The following RD3 variants were observed in gnomAD, a reference collection of about 807,000 sequenced individuals.
RD3 encodes the protein RD3 regulator of GUCY2D, also known as protein RD3.
Under a neutral mutation model 16.9 loss-of-function variants are expected in RD3, and 11 were observed. The ratio of observed to expected loss-of-function variants is 0.65; its 90% CI spans 0.41 to 1.08. The LOEUF (loss-of-function observed/expected upper bound fraction) is 1.08. RD3 is among the 50% of genes least tolerant of loss of function. The pLI is 0.00. For missense variants in RD3, 274 were observed against 267.4 expected (o/e 1.02, Z -0.17); for synonymous variants, 116 against 114.8 (o/e 1.01, Z -0.07).
At chr1:211,491,400 C>A (rs748386511) in intron 1 of RD3, among the ~76,000 whole-genome samples, 4 of 152,222 alleles carry the variant, frequency 2.6e-5, no homozygotes, top group Non-Finnish European at 5.9e-5. Context: ...CTTCCCCCTG[C>A]CTGTGTCCAC....
intron 1 of RD3, among the ~76,000 whole-genome samples, chr1:211,486,297 G>A (rs1362593653): frequency 6.6e-6 from 1 of 152,028 alleles, no homozygotes; most frequent in African/African-American, 2.4e-5. Context: ...CTGAGGTCAC[G>A]AGTTCGAGAC....
intron 1 of RD3, among the ~76,000 whole-genome samples, chr1:211,484,769 C>A (rs1251745118): frequency 6.6e-6 from 1 of 152,180 alleles, no homozygotes; most frequent in Non-Finnish European, 1.5e-5. Flanking sequence ...CTCTTCCCAC[C>A]TCCGCTTCAT....
rs1203690020 is a variant in RD3, at chr1:211,478,985, T to C, written c.*51A>G. 6.6e-7 allele frequency: 1 copy of C among 1,507,290 alleles called. No individual in the cohort carries two copies. Among genetic ancestry groups the C allele is most frequent in the Admixed American group, 2.0e-5 (1 of 49,174 alleles). 93.4% of individuals were successfully genotyped at this position (1,507,290 alleles called of 1,614,324 possible). On this transcript the variant is annotated 3_prime_UTR_variant, in exon 3 of 3. Coordinates refer to ENST00000680073, the MANE Select transcript of RD3 (RefSeq NM_001164688.2). The stretch of plus-strand genomic sequence containing the variant: ...GGGCCCGGCGCTCCGGTCACCGGCC[T>C]ATCATTCCCCCTGCAGAAGGCTCCG...
rs1463970718 is a variant in RD3, at chr1:211,477,087, AC to A, written c.*1948del. 2 of 152,048 alleles carry A rather than the reference AC, an allele frequency of 1.3e-5. No homozygotes were observed. The highest frequency in any genetic ancestry group is 4.8e-5 in the African/African-American group (2 of 41,394). 9.4% of individuals were successfully genotyped at this position (152,048 alleles called of 1,614,324 possible). A position where few individuals can be genotyped will look rare whatever the true frequency, so the allele number is the denominator to read the frequency against. ...TCTTATTGTTATGATTAAAGTGCAA[AC>A]CAAGAAAACTTAAGTGTAGAACTCC... On this transcript the variant is annotated 3_prime_UTR_variant, in exon 3 of 3. Transcript: ENST00000680073.
At position 211,481,146 on chromosome 1, in the gene RD3, T is replaced by A; in HGVS notation, c.270A>T (p.Pro90=). The A allele has an allele frequency of 6.2e-7, 1 of 1,614,180 alleles. No homozygotes were observed. Among genetic ancestry groups the A allele is most frequent in the South Asian group, 1.1e-5 (1 of 91,076 alleles). The change falls in exon 2 of 3, where the codon CCA becomes CCT. Residue 90 remains proline (P), a synonymous_variant. Coordinates refer to ENST00000680073, the MANE Select transcript of RD3 (RefSeq NM_001164688.2). Reference sequence around the variant, plus strand: ...TGAGGATAGCAGGCCCACAATAGGATGGGTGGATCTTAACGCAGACATCTT... The same window carrying A: ...TGAGGATAGCAGGCCCACAATAGGAAGGGTGGATCTTAACGCAGACATCTT... ...QLEDVCVKIH[P]SYCGPAILRF...
In RD3 at chr1:211,479,284, C is replaced by A; in HGVS notation, c.340G>T (p.Val114Leu). 6.2e-7 allele frequency: 1 copy of A among 1,605,010 alleles called. No homozygotes were observed. Among genetic ancestry groups the A allele is most frequent in the South Asian group, 1.1e-5 (1 of 89,270 alleles). The part of the protein sequence containing the change: ...LAEQEPEVQE[V>L]SQLFRSVLQE... ...AGCACCGAGCGGAAGAGCTGGGACA[C>A]CTCCTGCACCTCGGGCTCCTGCTCC... The change falls in exon 3 of 3, where the codon GTG becomes TTG. Residue 114 changes from valine (V) to leucine (L), a missense_variant. Coordinates refer to ENST00000680073, the MANE Select transcript of RD3 (RefSeq NM_001164688.2).
intron 1 of RD3, among the ~76,000 whole-genome samples, chr1:211,483,744 G>A (rs950658676): frequency 3.3e-5 from 5 of 152,132 alleles, no homozygotes; most frequent in African/African-American, 4.8e-5. Flanking sequence ...CAGGAGCCTC[G>A]CCTAAGGCTA....
At chr1:211,491,415 T>C (rs1705487435) in intron 1 of RD3, among the ~76,000 whole-genome samples, 1 of 152,182 alleles carries the variant, frequency 6.6e-6, no homozygotes, top group East Asian at 1.9e-4. Flanking sequence ...GTCCACTCTA[T>C]AAAGGCAGAA....
At chr1:211,486,573 G>A (rs1015951640) in intron 1 of RD3, among the ~76,000 whole-genome samples, 3 of 152,046 alleles carry the variant, frequency 2.0e-5, no homozygotes, top group Middle Eastern at 6.8e-3. Context: ...ATGGGGCTGG[G>A]CACGGTGGCT....
chr1:211,491,568 G>A (rs1705490855), intron 1 of RD3, among the ~76,000 whole-genome samples, 200 bp downstream of exon 1: 1 of 152,180 alleles, frequency 6.6e-6, no homozygotes. Context: ...TCCAACTCCT[G>A]TGGAACTGAT....
In RD3 at chr1:211,481,319, G is replaced by A. The variant is rs2102367931; in HGVS notation, c.97C>T (p.Leu33=). 1 of 1,614,250 alleles carries A rather than the reference G, an allele frequency of 6.2e-7. No individual in the cohort carries two copies. The highest frequency in any genetic ancestry group is 1.3e-5 in the African/African-American group (1 of 75,074). ...EMVLETLMME[L]TGQMREAERQ... Reference sequence around the variant, plus strand: ...TCAGCCTCTCGCATCTGCCCCGTCAGCTCCATCATAAGCGTCTCCAGCACC... The same window carrying A: ...TCAGCCTCTCGCATCTGCCCCGTCAACTCCATCATAAGCGTCTCCAGCACC... Residue 33 remains leucine, a synonymous_variant, in exon 2 of 3, where the codon CTG becomes TTG. Transcript: ENST00000680073.
In RD3 at chr1:211,481,146, TG is replaced by T; in HGVS notation, c.269del (p.Pro90HisfsTer40). 6.2e-7 allele frequency: 1 copy of T among 1,614,180 alleles called. No homozygotes were observed. Among genetic ancestry groups the T allele is most frequent in the Non-Finnish European group, 8.5e-7 (1 of 1,180,026 alleles). On this transcript the variant is annotated frameshift_variant, in exon 2 of 3. Transcript: ENST00000680073. LOFTEE classifies it high-confidence loss of function. ...TGAGGATAGCAGGCCCACAATAGGA[TG>T]GGTGGATCTTAACGCAGACATCTTC... ...QLEDVCVKIH[P>X]SYCGPAILRF...
intron 1 of RD3, among the ~76,000 whole-genome samples, chr1:211,487,452 C>T (rs950141064): frequency 6.6e-6 from 1 of 152,220 alleles, no homozygotes. Flanking sequence ...TTTAAGTGAA[C>T]CTTCATAGGG....
rs1947058 is a variant in RD3 at position 211,478,668 on chromosome 1, T to A, written c.*368A>T. 41,250 of 255,458 alleles carry A rather than the reference T, an allele frequency of 0.16. 4,469 individuals are homozygous for A. The highest frequency in any genetic ancestry group is 0.32 in the African/African-American group (14,435 of 44,936). 15.8% of individuals were successfully genotyped at this position (255,458 alleles called of 1,614,324 possible). A position where few individuals can be genotyped will look rare whatever the true frequency, so the allele number is the denominator to read the frequency against. ...GAATGGGACATCCCTGAAATTGGGG[T>A]GAGAACCTAGGTCTTGCCAAAAGGC... On this transcript the variant is annotated 3_prime_UTR_variant, in exon 3 of 3. Coordinates refer to ENST00000680073, the MANE Select transcript of RD3 (RefSeq NM_001164688.2).
Position 211,478,857 on chromosome 1 carries a change from C to T in RD3, c.*179G>A, listed in dbSNP as rs1020195611. On this transcript the variant is annotated 3_prime_UTR_variant, in exon 3 of 3. Transcript: ENST00000680073. ...CTACGACCTAACTCAGCTTTGTGGC[C>T]AGAGGAAGAGGATGGGGCAGGGAGT... is the stretch of plus-strand genomic sequence containing the variant. The T allele has an allele frequency of 4.8e-6, 3 of 628,290 alleles. No individual in the cohort carries two copies. Among genetic ancestry groups the T allele is most frequent in the African/African-American group, 1.8e-5 (1 of 54,300 alleles). The allele number at this position is 628,290 out of a possible 1,614,324, so 38.9% of individuals were successfully genotyped here. A position where few individuals can be genotyped will look rare whatever the true frequency, so the allele number is the denominator to read the frequency against.
intron 2 of RD3, among the ~76,000 whole-genome samples, 184 bp downstream of exon 2, chr1:211,480,936 C>T (rs1195399805): frequency 6.6e-6 from 1 of 152,232 alleles, no homozygotes; most frequent in East Asian, 1.9e-4. Context: ...TCCCGCTGGA[C>T]CCCTAACCCT....
intron 1 of RD3, among the ~76,000 whole-genome samples, chr1:211,485,219 T>A (rs1403679581): frequency 1.3e-5 from 2 of 152,186 alleles, no homozygotes; most frequent in Non-Finnish European, 2.9e-5. Context: ...AGTGGAGTGA[T>A]CCCACCTGAG....
intron 1 of RD3, 45 bp from the exon 2 acceptor site, chr1:211,481,471 TAGTC>T (rs1705264233): frequency 1.9e-6 from 3 of 1,581,642 alleles, no homozygotes; most frequent in African/African-American, 1.3e-5. Flanking sequence ...GCCCCTCTGT[TAGTC>T]AGAGTGGGGA....
At chr1:211,483,454 CAAAAA>C in intron 1 of RD3, among the ~76,000 whole-genome samples, 1 of 104,236 alleles carries the variant, frequency 9.6e-6, no homozygotes, top group Admixed American at 1.0e-4. Context: ...GACTCCAACT[CAAAAA>C]AAAAAAAAAA....
Sources: allele counts gnomAD v4.1 joint callset (sites outside exome capture counted in the v4.1 genomes callset), GRCh38; gene constraint gnomAD v4.1.1; transcripts MANE v1.5; gene names NCBI Gene and HGNC (gene_info 2026-07-23, HGNC 2026-07-21).